BCAR3: variants seen among roughly 807,000 people sequenced by gnomAD.
BCAR3 encodes breast cancer anti-estrogen resistance protein 3.
BCAR3 carries 37 observed loss-of-function variants against 80.1 expected under a neutral mutation model. The observed-to-expected ratio is 0.46, with a 90% confidence interval of 0.36 to 0.61. The LOEUF (loss-of-function observed/expected upper bound fraction) is 0.61. BCAR3 is among the 20% of genes least tolerant of loss of function. The pLI is 0.00. For missense variants in BCAR3, 978 were observed against 1,068.2 expected (o/e 0.92, Z 1.18); for synonymous variants, 389 against 418.9 (o/e 0.93, Z 0.87).
At chr1:93,642,129 A>T (rs1570998617) in intron 3 of BCAR3, among the ~76,000 whole-genome samples, 175 bp downstream of exon 3, 1 of 152,144 alleles carries the variant, frequency 6.6e-6, no homozygotes, top group East Asian at 1.9e-4. Flanking sequence ...ATGACGTGAG[A>T]CCCCTACAAA....
chr1:93,590,981 C>T (rs929092042), intron 4 of BCAR3, among the ~76,000 whole-genome samples: 4 of 151,736 alleles, frequency 2.6e-5, no homozygotes, highest in Admixed American at 1.3e-4. Flanking sequence ...TCAAAAAGCC[C>T]GGGAGGATGT....
chr1:93,735,449 G>A lies in BCAR3; in HGVS notation c.-62-29307C>T, dbSNP rs546133997. On this transcript the variant is annotated intron_variant, in intron 2 of 13. Coordinates refer to the BCAR3 transcript ENST00000370244. ...ATTTTGAGAACTTCCCAAACATCAG[G>A]CACTTTTGCTTTCGGAGACCACATC... 3.9e-5 allele frequency among the ~76,000 whole-genome samples: 6 copies of A among 152,224 alleles called. No homozygotes were observed. The South Asian group carries it at 1.2e-3, about 32-fold the overall frequency.
intron 2 of BCAR3, among the ~76,000 whole-genome samples, chr1:93,820,841 G>A (rs1255348558): frequency 6.6e-6 from 1 of 152,006 alleles, no homozygotes; most frequent in Non-Finnish European, 1.5e-5. Flanking sequence ...CTGGTAAGCC[G>A]ACCTCATCCT....
intron 2 of BCAR3, among the ~76,000 whole-genome samples, chr1:93,799,396 A>G (rs1356942534): frequency 6.6e-6 from 1 of 152,224 alleles, no homozygotes; most frequent in African/African-American, 2.4e-5. Context: ...TCAACAATGC[A>G]TGTAAAGACT....
intron 2 of BCAR3, among the ~76,000 whole-genome samples, chr1:93,751,492 G>A (rs1488432669): frequency 1.3e-5 from 2 of 152,146 alleles, no homozygotes; most frequent in African/African-American, 4.8e-5. Flanking sequence ...TCACCAGAGA[G>A]GTTTCCAGAC....
Position 93,843,861 on chromosome 1 carries a change from C to A in BCAR3, c.-63+1706G>T, listed in dbSNP as rs191184098. 1.6e-3 allele frequency among the ~76,000 whole-genome samples: 240 copies of A among 152,226 alleles called. 1 individual carries two copies. Among genetic ancestry groups the A allele is most frequent in the African/African-American group, 5.7e-3 (237 of 41,514 alleles). The stretch of plus-strand genomic sequence containing the variant: ...ACTTTCACTTGGTTCCCACAGTAGG[C>A]CTAACTGTATTGTCCCTACTCATTG... On this transcript the variant is annotated intron_variant, in intron 2 of 13. Transcript: ENST00000370244.
chr1:93,816,496 C>A (rs1654019756), intron 2 of BCAR3, among the ~76,000 whole-genome samples: 1 of 151,452 alleles, frequency 6.6e-6, no homozygotes, highest in African/African-American at 2.4e-5. Flanking sequence ...CACAGTGAAA[C>A]CCCATCTCTA....
intron 3 of BCAR3, among the ~76,000 whole-genome samples, chr1:93,629,762 G>C (rs1291657597): frequency 1.3e-5 from 2 of 152,202 alleles, no homozygotes; most frequent in African/African-American, 4.8e-5. Flanking sequence ...ATCTCCCAAA[G>C]AGTAGATAGG....
chr1:93,689,056 A>T (rs1417410241), intron 3 of BCAR3, among the ~76,000 whole-genome samples: 1 of 152,248 alleles, frequency 6.6e-6, no homozygotes, highest in Non-Finnish European at 1.5e-5. Context: ...AAGCATCACT[A>T]GCCCTGGGAG....
At chr1:93,672,694 G>A (rs1052170843) in intron 2 of BCAR3, among the ~76,000 whole-genome samples, 3 of 152,176 alleles carry the variant, frequency 2.0e-5, no homozygotes, top group African/African-American at 7.2e-5. Context: ...TTTCTGAGCT[G>A]GGAGGTCACC....
intron 3 of BCAR3, among the ~76,000 whole-genome samples, chr1:93,695,591 C>T (rs1302482567): frequency 6.6e-6 from 1 of 152,172 alleles, no homozygotes; most frequent in Non-Finnish European, 1.5e-5. Flanking sequence ...CTCAAGTTTC[C>T]CTTGCCCTGA....
chr1:93,617,012 G>A (rs1180883687), intron 3 of BCAR3, among the ~76,000 whole-genome samples: 1 of 152,214 alleles, frequency 6.6e-6, no homozygotes, highest in Non-Finnish European at 1.5e-5. Context: ...AATTCAAAAA[G>A]GGGGTTAAGG....
At chr1:93,605,214 G>A (rs116435389) in intron 3 of BCAR3, among the ~76,000 whole-genome samples, 6 of 152,240 alleles carry the variant, frequency 3.9e-5, no homozygotes, top group African/African-American at 7.2e-5. Flanking sequence ...GAGAGAAGTC[G>A]GATGTGCCAC....
chr1:93,740,245 G>C (rs1474430616), intron 2 of BCAR3, among the ~76,000 whole-genome samples: 1 of 152,184 alleles, frequency 6.6e-6, no homozygotes, highest in Non-Finnish European at 1.5e-5. Flanking sequence ...TGGCATCCAG[G>C]CCTAGGAAAC....
intron 2 of BCAR3, among the ~76,000 whole-genome samples, chr1:93,819,075 T>C (rs992862134): frequency 6.6e-6 from 1 of 152,096 alleles, no homozygotes; most frequent in Non-Finnish European, 1.5e-5. Context: ...TTGTCCTTTT[T>C]TTTTTTTTCT....
At chr1:93,642,856 A>C (rs1186054797) in intron 2 of BCAR3, among the ~76,000 whole-genome samples, 3 of 152,220 alleles carry the variant, frequency 2.0e-5, no homozygotes, top group Non-Finnish European at 4.4e-5. Flanking sequence ...TTCTCTTCTC[A>C]TCGCTGGCTG....
intron 2 of BCAR3, among the ~76,000 whole-genome samples, chr1:93,721,663 C>T (rs115354243): frequency 3.3e-3 from 508 of 152,312 alleles, no homozygotes; most frequent in African/African-American, 0.011. Flanking sequence ...GACCCCTCAC[C>T]AAGCCCATTC....
chr1:93,715,966 T>C (rs1438022435), intron 2 of BCAR3, among the ~76,000 whole-genome samples: 1 of 152,244 alleles, frequency 6.6e-6, no homozygotes, highest in African/African-American at 2.4e-5. Context: ...CCACCAACCC[T>C]GCCAAGTTTA....
intron 2 of BCAR3, among the ~76,000 whole-genome samples, chr1:93,768,165 C>T (rs989773611): frequency 7.2e-5 from 11 of 152,260 alleles, no homozygotes; most frequent in South Asian, 6.2e-4. Context: ...AGAGCAGCAA[C>T]GAATGACCCC....
Sources: gnomAD v4.1 joint callset for allele counts (sites outside exome capture counted in the v4.1 genomes callset) on GRCh38, gnomAD v4.1.1 for gene constraint, MANE v1.5 for transcripts, NCBI Gene and HGNC (gene_info 2026-07-23, HGNC 2026-07-21) for gene names.